RSRC1: variants seen among roughly 807,000 people sequenced by gnomAD.
RSRC1 encodes the protein serine/Arginine-related protein 53.
In RSRC1, 39 loss-of-function variants were observed where a neutral mutation model predicts 49.1. That is an observed-to-expected ratio of 0.79 (90% CI 0.61 to 1.04). The LOEUF (loss-of-function observed/expected upper bound fraction) is 1.04. RSRC1 is among the 50% of genes least tolerant of loss of function. The pLI is 0.00. For synonymous variants in RSRC1, 143 were observed against 130.8 expected (o/e 1.09, Z -0.63); for missense variants, 388 against 402.4 (o/e 0.96, Z 0.31).
At chr3:158,269,219 C>T (rs1034877926) in intron 4 of RSRC1, among the ~76,000 whole-genome samples, 2 of 152,194 alleles carry the variant, frequency 1.3e-5, no homozygotes, top group Admixed American at 6.5e-5. Flanking sequence ...AGGACCTCTT[C>T]ATGAATATGG....
intron 6 of RSRC1, among the ~76,000 whole-genome samples, chr3:158,379,887 C>T (rs1022168495): frequency 2.0e-5 from 3 of 151,426 alleles, no homozygotes; most frequent in Admixed American, 6.6e-5. Flanking sequence ...TGTTTTACCA[C>T]TGTTTCCATC....
intron 6 of RSRC1, among the ~76,000 whole-genome samples, chr3:158,370,499 G>C (rs192217104): frequency 1.4e-4 from 22 of 151,966 alleles, no homozygotes; most frequent in African/African-American, 5.3e-4. Context: ...GTTGTAAATG[G>C]AATCATATAG....
At chr3:158,280,637 CTTTTTTTTTTTTTTTTT>C (rs146925471) in intron 4 of RSRC1, among the ~76,000 whole-genome samples, 4 of 63,984 alleles carry the variant, frequency 6.3e-5, no homozygotes, top group South Asian at 6.8e-4. Flanking sequence ...GAAGTGATTC[CTTTTTTTTTTTTTTTTT>C]TTTTTTTTTT....
At chr3:158,514,052 C>A (rs1023242667) in intron 7 of RSRC1, among the ~76,000 whole-genome samples, 1 of 151,940 alleles carries the variant, frequency 6.6e-6, no homozygotes, top group African/African-American at 2.4e-5. Context: ...TTTTGTTGAT[C>A]CTTTCAGAAA....
At chr3:158,311,431 A>G (rs1468281188) in intron 5 of RSRC1, among the ~76,000 whole-genome samples, 1 of 151,982 alleles carries the variant, frequency 6.6e-6, no homozygotes, top group Non-Finnish European at 1.5e-5. Context: ...AGCCTTTAAT[A>G]TTTAGATTTA....
At chr3:158,316,246 C>T (rs1045426788) in intron 5 of RSRC1, among the ~76,000 whole-genome samples, 69 of 151,954 alleles carry the variant, frequency 4.5e-4, no homozygotes, top group Non-Finnish European at 8.5e-4. Context: ...TTTATGCTCA[C>T]GGCTGTTGCA....
intron 6 of RSRC1, among the ~76,000 whole-genome samples, chr3:158,368,909 G>A (rs937792320): frequency 4.6e-5 from 7 of 151,888 alleles, no homozygotes; most frequent in East Asian, 1.9e-4. Flanking sequence ...TAAATTTACC[G>A]AAAAGTGATT....
chr3:158,298,219 C>T, intron 5 of RSRC1, 144 bp downstream of exon 5: 1 of 573,020 alleles, frequency 1.7e-6, no homozygotes, highest in South Asian at 3.0e-5. Context: ...TATGTGAAGG[C>T]ACTTACATTT....
At chr3:158,432,480 C>T (rs920338994) in intron 6 of RSRC1, among the ~76,000 whole-genome samples, 3 of 151,802 alleles carry the variant, frequency 2.0e-5, no homozygotes, top group Non-Finnish European at 4.4e-5. Flanking sequence ...CAGCCATTGT[C>T]CCTCCTTGGT....
chr3:158,356,284 T>C (rs190038675), intron 6 of RSRC1, among the ~76,000 whole-genome samples: 5 of 152,250 alleles, frequency 3.3e-5, no homozygotes, highest in Admixed American at 1.3e-4. Context: ...ATAATAGTTA[T>C]ATTTTTAGGA....
intron 7 of RSRC1, among the ~76,000 whole-genome samples, chr3:158,480,576 A>G (rs73172134): frequency 0.2 from 30,398 of 151,990 alleles, 3,480 homozygotes; most frequent in South Asian, 0.27. Context: ...CATGGCCCGC[A>G]TATCAGTAAC....
chr3:158,139,504 A>G (rs777028440), intron 3 of RSRC1, among the ~76,000 whole-genome samples: 2 of 152,206 alleles, frequency 1.3e-5, no homozygotes, highest in Non-Finnish European at 2.9e-5. Context: ...ACGAAACTGC[A>G]TATTAAATTG....
chr3:158,278,626 A>G (rs1289216657), intron 4 of RSRC1, among the ~76,000 whole-genome samples: 1 of 152,198 alleles, frequency 6.6e-6, no homozygotes, highest in Non-Finnish European at 1.5e-5. Context: ...CATGTTGATG[A>G]TATTCCCTGT....
chr3:158,537,809 A>G (rs1169451561), intron 8 of RSRC1, among the ~76,000 whole-genome samples: 1 of 151,740 alleles, frequency 6.6e-6, no homozygotes, highest in African/African-American at 2.4e-5. Context: ...AAATATGGTT[A>G]TAATTAACAC....
At chr3:158,506,889 G>A (rs1429769029) in intron 7 of RSRC1, among the ~76,000 whole-genome samples, 2 of 150,106 alleles carry the variant, frequency 1.3e-5, no homozygotes, top group African/African-American at 2.4e-5. Flanking sequence ...TTTATTTTAT[G>A]TATATATCCC....
At chr3:158,347,635 T>A (rs2108226227) in intron 5 of RSRC1, among the ~76,000 whole-genome samples, 1 of 152,256 alleles carries the variant, frequency 6.6e-6, no homozygotes, top group African/African-American at 2.4e-5. Flanking sequence ...AACCTCAAAC[T>A]CCTGGGCTCA....
intron 6 of RSRC1, among the ~76,000 whole-genome samples, chr3:158,416,648 TG>T (rs1273907813): frequency 2.6e-5 from 4 of 152,072 alleles, no homozygotes; most frequent in Admixed American, 2.0e-4. Flanking sequence ...TGATGCTAGA[TG>T]GCACAGAGGC....
chr3:158,284,976 T>C (rs1391801759), intron 4 of RSRC1, among the ~76,000 whole-genome samples: 1 of 152,258 alleles, frequency 6.6e-6, no homozygotes, highest in Non-Finnish European at 1.5e-5. Context: ...CTCATGCCTA[T>C]GTCCTGAATG....
intron 4 of RSRC1, among the ~76,000 whole-genome samples, chr3:158,283,582 T>C (rs1244151367): frequency 6.6e-6 from 1 of 152,192 alleles, no homozygotes; most frequent in Non-Finnish European, 1.5e-5. Context: ...AATGGTGATA[T>C]CGTTTTCTGT....
Sources: gnomAD v4.1 joint callset for allele counts (sites outside exome capture counted in the v4.1 genomes callset) on GRCh38, gnomAD v4.1.1 for gene constraint, MANE v1.5 for transcripts, NCBI Gene and HGNC (gene_info 2026-07-23, HGNC 2026-07-21) for gene names.